PTPRF: variants seen among roughly 807,000 people sequenced by gnomAD.
The protein encoded by PTPRF is receptor-type tyrosine-protein phosphatase F.
Under a neutral mutation model 201.8 loss-of-function variants are expected in PTPRF, and 59 were observed. The ratio of observed to expected loss-of-function variants is 0.29; its 90% CI spans 0.24 to 0.36. PTPRF has a LOEUF of 0.36. PTPRF is among the 10% of genes least tolerant of loss of function. The pLI, the probability that PTPRF is intolerant of heterozygous loss-of-function variation, is 1.00. For synonymous variants in PTPRF, 1,088 were observed against 1,089.7 expected, an observed-to-expected ratio of 1.00 and a Z score of 0.03; for missense variants, 2,132 against 2,690.5, an observed-to-expected ratio of 0.79 and a Z score of 4.59.
intron 20 of PTPRF, 102 bp downstream of exon 20, chr1:43,606,560 T>G: frequency 8.0e-7 from 1 of 1,250,488 alleles, no homozygotes; most frequent in Non-Finnish European, 1.1e-6. Flanking sequence ...TTTATCAGTT[T>G]GGGGGCTTCG....
In PTPRF at chr1:43,583,222, G is replaced by A. The variant is rs1471777419; in HGVS notation, c.679+4302G>A. The A allele has an allele frequency of 4.7e-6, 3 of 644,650 alleles. 1 individual carries two copies. Among genetic ancestry groups the A allele is most frequent in the Non-Finnish European group, 5.8e-6 (3 of 518,448 alleles). 39.9% of individuals were successfully genotyped at this position (644,650 alleles called of 1,614,324 possible). A position where few individuals can be genotyped will look rare whatever the true frequency, so the allele number is the denominator to read the frequency against. ...CCGTGCCTGCCTGCCAGTCTCTGTT[G>A]TTTGGGCCGGCGGGCAGGCAGGACC... On this transcript the variant is annotated intron_variant, in intron 7 of 33. Transcript: ENST00000359947.
intron 32 of PTPRF, 21 bp downstream of exon 32, chr1:43,621,013 G>A: frequency 2.5e-6 from 4 of 1,610,910 alleles, no homozygotes; most frequent in Non-Finnish European, 3.4e-6. Context: ...CCCCCTGGAG[G>A]GCTGGGGTGG....
At chr1:43,605,068 C>T (rs1285836581) in intron 17 of PTPRF, 68 bp downstream of exon 17, 2 of 1,589,056 alleles carry the variant, frequency 1.3e-6, no homozygotes, top group Non-Finnish European at 1.7e-6. Context: ...TCTTTCCAGT[C>T]CTAACCCATG....
At chr1:43,557,604 A>C (rs951736328) in intron 5 of PTPRF, among the ~76,000 whole-genome samples, 2 of 150,468 alleles carry the variant, frequency 1.3e-5, no homozygotes, top group African/African-American at 4.9e-5. Flanking sequence ...ACTGCACTCC[A>C]GCCTGGGCGA....
At chr1:43,612,784 T>C (rs1656782074) in intron 22 of PTPRF, 3 of 1,366,102 alleles carry the variant, frequency 2.2e-6, no homozygotes, top group Non-Finnish European at 2.9e-6. Context: ...GTGTCCCCAG[T>C]TGCCCGAATA....
chr1:43,535,522 G>A (rs375056093), intron 1 of PTPRF, among the ~76,000 whole-genome samples: 162 of 152,210 alleles, frequency 1.1e-3, no homozygotes, highest in Non-Finnish European at 2.0e-3. Flanking sequence ...CTGTTTCTGG[G>A]GACTGTTCCT....
intron 3 of PTPRF, among the ~76,000 whole-genome samples, chr1:43,551,595 G>A (rs1645041713): frequency 6.6e-6 from 1 of 152,150 alleles, no homozygotes; most frequent in Admixed American, 6.5e-5. Flanking sequence ...GGTGAGCTTA[G>A]GAGTGAGAAG....
chr1:43,587,599 C>T (rs147480696), intron 7 of PTPRF, among the ~76,000 whole-genome samples: 1 of 152,248 alleles, frequency 6.6e-6, no homozygotes, highest in African/African-American at 2.4e-5. Context: ...TTATGTGGTG[C>T]TGTGGGGTCT....
intron 6 of PTPRF, among the ~76,000 whole-genome samples, chr1:43,576,602 A>T (rs1646947895): frequency 6.6e-6 from 1 of 152,242 alleles, no homozygotes; most frequent in South Asian, 2.1e-4. Context: ...GGACTCAGGA[A>T]GATCCAGGTT....
chr1:43,620,055 A>G (rs746994946), intron 29 of PTPRF, 40 bp from the exon 30 acceptor site: 2 of 1,612,318 alleles, frequency 1.2e-6, no homozygotes, highest in Admixed American at 3.3e-5. Flanking sequence ...CTCTAGGGGC[A>G]GCAGCACCTC....
intron 22 of PTPRF, chr1:43,612,665 A>C (rs1319947954): frequency 9.2e-7 from 1 of 1,084,028 alleles, no homozygotes. Flanking sequence ...CCCGCTCGGC[A>C]CCTCCACTGT....
chr1:43,538,594 A>G (rs1271348075), intron 2 of PTPRF, among the ~76,000 whole-genome samples: 3 of 152,154 alleles, frequency 2.0e-5, no homozygotes, highest in Admixed American at 6.5e-5. Flanking sequence ...GGAGTGGATG[A>G]TAGAGGTGGA....
chr1:43,617,759 A>G lies in PTPRF; in HGVS notation c.4219A>G (p.Asn1407Asp). 1 of 1,613,962 alleles carries G rather than the reference A, an allele frequency of 6.2e-7. No individual in the cohort carries two copies. Among genetic ancestry groups the G allele is most frequent in the Non-Finnish European group, 8.5e-7 (1 of 1,179,904 alleles). The change falls in exon 25 of 34, where the codon AAT becomes GAT. Residue 1407 changes from asparagine to aspartate, a missense_variant. Physicochemically the swap from Asn to Asp is conservative, Grantham distance 23. Transcript: ENST00000359947. ...AGGCGTCCCCGGGAGTGACTACATC[A>G]ATGCCAACTACATCGATGGCTACCG... is the stretch of plus-strand genomic sequence containing the variant. ...IDGVPGSDYI[N>D]ANYIDGYRKQ...
chr1:43,620,008 A>G, intron 29 of PTPRF, 87 bp from the exon 30 acceptor site: 1 of 1,588,966 alleles, frequency 6.3e-7, no homozygotes, highest in Non-Finnish European at 8.6e-7. Context: ...GGGTGATCTG[A>G]GCAGGGCCCC....
intron 1 of PTPRF, among the ~76,000 whole-genome samples, chr1:43,533,017 A>T (rs1380774833): frequency 6.6e-6 from 1 of 152,128 alleles, no homozygotes; most frequent in African/African-American, 2.4e-5. Flanking sequence ...ATCCTTGTGT[A>T]TTTTTGTATA....
chr1:43,613,536 C>CACATGTGA, intron 22 of PTPRF, 82 bp from the exon 23 acceptor site: 3 of 1,107,350 alleles, frequency 2.7e-6, no homozygotes, highest in Non-Finnish European at 4.2e-6. Flanking sequence ...TTCACATGTG[C>CACATGTGA]ACATACATGC....
intron 7 of PTPRF, among the ~76,000 whole-genome samples, chr1:43,587,784 G>T (rs923277410): frequency 1.3e-5 from 2 of 152,198 alleles, no homozygotes; most frequent in African/African-American, 4.8e-5. Context: ...TGCCAGACAT[G>T]CCTGCCCACG....
intron 2 of PTPRF, among the ~76,000 whole-genome samples, chr1:43,539,476 A>G (rs1644228711): frequency 6.6e-6 from 1 of 152,196 alleles, no homozygotes; most frequent in South Asian, 2.1e-4. Context: ...CACCCTGCCC[A>G]CTGAACATCT....
At chr1:43,539,842 A>C (rs959967272) in intron 2 of PTPRF, among the ~76,000 whole-genome samples, 1 of 152,128 alleles carries the variant, frequency 6.6e-6, no homozygotes, top group African/African-American at 2.4e-5. Context: ...GGGGTGTGCT[A>C]TAGGACCTGA....
Sources: gnomAD v4.1 joint callset for allele counts (sites outside exome capture counted in the v4.1 genomes callset) on GRCh38, gnomAD v4.1.1 for gene constraint, MANE v1.5 for transcripts, NCBI Gene and HGNC (gene_info 2026-07-23, HGNC 2026-07-21) for gene names.